LRP1B: variants seen among roughly 807,000 people sequenced by gnomAD.
LRP1B encodes the protein low-density lipoprotein receptor-related protein 1B.
LRP1B carries 217 observed loss-of-function variants against 556.6 expected under a neutral mutation model. The observed-to-expected ratio is 0.39, with a 90% CI of 0.35 to 0.44. The LOEUF (loss-of-function observed/expected upper bound fraction) is 0.44, where lower values mean the gene tolerates loss of function less well. LRP1B is among the 20% of genes least tolerant of loss of function. The pLI is 1.00. For missense variants in LRP1B, 5,053 were observed against 5,620.8 expected (o/e 0.90, Z 3.23); for synonymous variants, 2,047 against 1,865.8 (o/e 1.10, Z -2.50).
At chr2:140,605,536 T>C (rs2105210524) in intron 41 of LRP1B, among the ~76,000 whole-genome samples, 1 of 143,372 alleles carries the variant, frequency 7.0e-6, no homozygotes, top group Non-Finnish European at 1.6e-5. Flanking sequence ...CTTTTTTCTT[T>C]TCTTTCCTTT....
intron 32 of LRP1B, among the ~76,000 whole-genome samples, chr2:140,805,302 C>T (rs1349901688): frequency 6.6e-6 from 1 of 152,036 alleles, no homozygotes; most frequent in African/African-American, 2.4e-5. Context: ...TAGCAGAGAG[C>T]TTAAATATCT....
intron 1 of LRP1B, among the ~76,000 whole-genome samples, chr2:142,051,218 A>C (rs1225104022): frequency 6.6e-6 from 1 of 152,116 alleles, no homozygotes; most frequent in Non-Finnish European, 1.5e-5. Context: ...GGGAAAGGAC[A>C]TTCACGTAGG....
chr2:141,032,822 C>CATAAATATATATATATATATAT, intron 11 of LRP1B, among the ~76,000 whole-genome samples: 1 of 75,626 alleles, frequency 1.3e-5, no homozygotes, highest in East Asian at 7.1e-4. Context: ...TATATATATA[C>CATAAATATATATATATATATAT]ATACATATAT....
Position 140,378,301 on chromosome 2 carries a change from A to T in LRP1B, c.10532-15T>A, listed in dbSNP as rs755469033. ...TGTCTGTGGCTCTGGGGATAAAAAA[A>T]CAGCACAGGGTTATTCTATTATATG... On this transcript the variant is annotated splice_polypyrimidine_tract_variant and intron_variant, in intron 67 of 90. Transcript: ENST00000389484. The T allele has an allele frequency of 7.1e-7, 1 of 1,402,964 alleles. No homozygotes were observed. Among genetic ancestry groups the T allele is most frequent in the Non-Finnish European group, 1.0e-6 (1 of 989,176 alleles). The allele number at this position is 1,402,964 out of a possible 1,614,324, so 86.9% of individuals were successfully genotyped here. A position where few individuals can be genotyped will look rare whatever the true frequency, so the allele number is the denominator to read the frequency against.
At chr2:141,109,478 G>T (rs1018484118) in intron 7 of LRP1B, among the ~76,000 whole-genome samples, 1 of 152,004 alleles carries the variant, frequency 6.6e-6, no homozygotes, top group Non-Finnish European at 1.5e-5. Context: ...AAGCCAAAAA[G>T]ATTCATTTTT....
chr2:140,744,810 G>T (rs562568608), intron 35 of LRP1B, among the ~76,000 whole-genome samples: 6 of 152,090 alleles, frequency 3.9e-5, no homozygotes, highest in Non-Finnish European at 5.9e-5. Context: ...AAGCTTGTTT[G>T]TTTGTTACCC....
chr2:141,544,336 TCTTCTTCTTC>T (rs1559131148), intron 2 of LRP1B, among the ~76,000 whole-genome samples: 3 of 76,930 alleles, frequency 3.9e-5, no homozygotes, highest in African/African-American at 1.5e-4. Flanking sequence ...TTCTTCTTCT[TCTTCTTCTTC>T]TTCTTCTTCT....
At chr2:141,510,239 C>CA (rs1684078338) in intron 2 of LRP1B, among the ~76,000 whole-genome samples, 1 of 149,680 alleles carries the variant, frequency 6.7e-6, no homozygotes, top group Non-Finnish European at 1.5e-5. Context: ...CACACACCCC[C>CA]CACAGTCATT....
chr2:140,474,672 GTA>G (rs1202380983), intron 60 of LRP1B, among the ~76,000 whole-genome samples: 1 of 151,806 alleles, frequency 6.6e-6, no homozygotes, highest in Non-Finnish European at 1.5e-5. Flanking sequence ...TTACTATTTT[GTA>G]TGTTAATTAT....
At chr2:140,736,914 T>A (rs1445378217) in intron 35 of LRP1B, among the ~76,000 whole-genome samples, 1 of 152,116 alleles carries the variant, frequency 6.6e-6, no homozygotes, top group Admixed American at 6.6e-5. Flanking sequence ...GTAACTACCA[T>A]GACTGGCAAG....
chr2:140,801,862 A>C (rs1234534614), intron 32 of LRP1B, among the ~76,000 whole-genome samples: 2 of 152,122 alleles, frequency 1.3e-5, no homozygotes, highest in African/African-American at 4.8e-5. Context: ...GAGGAAGGTA[A>C]GAGGCAACTG....
chr2:141,659,188 C>A (rs1690121867), intron 2 of LRP1B, among the ~76,000 whole-genome samples: 1 of 152,120 alleles, frequency 6.6e-6, no homozygotes, highest in Non-Finnish European at 1.5e-5. Context: ...ACAGCATAAG[C>A]CACTGTACCA....
At position 141,444,877 on chromosome 2, in the gene LRP1B, C is replaced by T. The variant is rs149693236; in HGVS notation, c.343+35519G>A. ...CATGGATGTTCATCAGGGATATTGG[C>T]CTGAACTTTTCTTTTTCTGTTGTGT... On this transcript the variant is annotated intron_variant, in intron 3 of 90. Transcript: ENST00000389484. 6.6e-3 allele frequency among the ~76,000 whole-genome samples: 997 copies of T among 152,160 alleles called. 6 individuals are homozygous for T. Among genetic ancestry groups the T allele is most frequent in the Non-Finnish European group, 9.7e-3 (658 of 67,984 alleles).
rs2105137700 is a variant in LRP1B, at chr2:140,358,813, G to A, written c.11257+8C>T. On this transcript the variant is annotated splice_region_variant and intron_variant, in intron 73 of 90. Transcript: ENST00000389484. ...ATCACTGAATTATTTCACATTAAAT[G>A]CATTTACCACCACAGTGATCTTCAT... 1 of 1,605,942 alleles carries A rather than the reference G, an allele frequency of 6.2e-7. No individual in the cohort carries two copies. The highest frequency in any genetic ancestry group is 8.5e-7 in the Non-Finnish European group (1 of 1,174,258).
At chr2:141,512,642 G>T (rs1023140384) in intron 2 of LRP1B, among the ~76,000 whole-genome samples, 1 of 152,084 alleles carries the variant, frequency 6.6e-6, no homozygotes, top group African/African-American at 2.4e-5. Context: ...TGTATTTTAG[G>T]ATTTGCTCAT....
intron 87 of LRP1B, among the ~76,000 whole-genome samples, chr2:140,243,959 C>T (rs1238466292): frequency 1.3e-5 from 2 of 151,216 alleles, no homozygotes; most frequent in Non-Finnish European, 3.0e-5. Context: ...GCTTCCTTCA[C>T]GGACCAATCA....
Position 141,106,713 on chromosome 2 carries a change from A to T in LRP1B, c.1014-44440T>A, listed in dbSNP as rs147877173. ...TGTAAATACCCCTAAGGAAAAATCCACCACAGGGCACTCACTCCTCTCTTA... is the reference window on the plus strand; with the variant it reads ...TGTAAATACCCCTAAGGAAAAATCCTCCACAGGGCACTCACTCCTCTCTTA... On this transcript the variant is annotated intron_variant, in intron 7 of 90. Transcript: ENST00000389484. Among the ~76,000 whole-genome samples, 4 of 152,062 alleles carry T rather than the reference A, an allele frequency of 2.6e-5. No homozygotes were observed. The East Asian group carries it at 7.7e-4, about 29-fold the overall frequency.
chr2:142,130,408 A>C (rs1183299559), intron 1 of LRP1B, among the ~76,000 whole-genome samples: 1 of 152,178 alleles, frequency 6.6e-6, no homozygotes, highest in East Asian at 1.9e-4. Flanking sequence ...GGAGGGGACA[A>C]AATGGGGACC....
rs1282196319 is a variant in LRP1B, at chr2:140,922,290, A to ACACACACG, written c.3319+667_3319+674dup. ...TGGTTTCCTATTTGTATACACACAC[A>ACACACACG]CACACACGCACACACGCACACACAC... is the stretch of plus-strand genomic sequence containing the variant. On this transcript the variant is annotated intron_variant, in intron 21 of 90. Coordinates refer to ENST00000389484, the MANE Select transcript of LRP1B (RefSeq NM_018557.3). 2.5e-3 allele frequency among the ~76,000 whole-genome samples: 372 copies of ACACACACG among 150,508 alleles called. 1 individual carries two copies. The highest frequency in any genetic ancestry group is 8.9e-3 in the African/African-American group (364 of 40,696).
Sources: allele counts gnomAD v4.1 joint callset (sites outside exome capture counted in the v4.1 genomes callset), GRCh38; gene constraint gnomAD v4.1.1; transcripts MANE v1.5; gene names NCBI Gene and HGNC (gene_info 2026-07-23, HGNC 2026-07-21).